Variants in CSMD2 observed in about 807,000 individuals in gnomAD.
CSMD2 encodes CUB and Sushi multiple domains 2, also known as CUB and sushi domain-containing protein 2.
CSMD2 carries 130 observed loss-of-function variants against 398.5 expected under a neutral mutation model. That is an observed-to-expected ratio of 0.33 (90% CI 0.28 to 0.38). The LOEUF is 0.38. Ranked by LOEUF, CSMD2 falls within the 10% of genes least tolerant of loss-of-function variation. CSMD2 has a pLI of 1.00. For missense variants in CSMD2, 3,829 were observed against 4,764.9 expected (o/e 0.80, Z 5.78); for synonymous variants, 1,828 against 1,908.5 (o/e 0.96, Z 1.10).
chr1:33,630,385 T>C (rs562518243), intron 32 of CSMD2, among the ~76,000 whole-genome samples: 20 of 152,308 alleles, frequency 1.3e-4, no homozygotes, highest in African/African-American at 4.6e-4. Context: ...ATAACAAAAT[T>C]GAGTAAGATT....
intron 15 of CSMD2, among the ~76,000 whole-genome samples, chr1:33,733,109 A>G (rs1033439740): frequency 6.6e-6 from 1 of 152,200 alleles, no homozygotes; most frequent in Non-Finnish European, 1.5e-5. Context: ...TGCTTCTGTA[A>G]CGGGATGTAG....
At chr1:34,122,131 C>T (rs901244894) in intron 1 of CSMD2, among the ~76,000 whole-genome samples, 13 of 151,890 alleles carry the variant, frequency 8.6e-5, no homozygotes, top group African/African-American at 2.2e-4. Flanking sequence ...TATCTGGCAA[C>T]GTCTGGAGAC....
intron 15 of CSMD2, 72 bp from the exon 16 acceptor site, chr1:33,726,757 T>A: frequency 6.8e-7 from 1 of 1,472,666 alleles, no homozygotes; most frequent in Non-Finnish European, 9.1e-7. Flanking sequence ...AATCTCTCTA[T>A]AAAATGTGTC....
Position 33,810,820 on chromosome 1 carries a change from T to G in CSMD2, c.1369A>C (p.Thr457Pro). Residue 457 changes from threonine to proline, a missense_variant, in exon 10 of 71, where the codon ACC becomes CCC. Thr to Pro is a conservative substitution (Grantham distance 38). This residue lies in a region of CSMD2 where 2,001 missense variants were observed against 2,567.1 expected (regional missense o/e 0.78). Coordinates refer to ENST00000373381, the MANE Select transcript of CSMD2 (RefSeq NM_001281956.2). ...TACTGAATGGGGAAATTGGGGGAGG[T>G]GATGATGCCCGAGGGGCCTCGAAGG... ...AHLRGPSGII[T>P]SPNFPIQYDN... The G allele has an allele frequency of 6.2e-7, 1 of 1,611,628 alleles. No individual in the cohort carries two copies. Among genetic ancestry groups the G allele is most frequent in the Non-Finnish European group, 8.5e-7 (1 of 1,179,142 alleles).
At chr1:33,541,390 C>G in intron 58 of CSMD2, 81 bp from the exon 59 acceptor site, 2 of 1,060,668 alleles carry the variant, frequency 1.9e-6, no homozygotes, top group Non-Finnish European at 2.9e-6. Context: ...TCACTCCCTG[C>G]ATGCATCCAA....
At chr1:33,681,443 G>A (rs1268402478) in intron 25 of CSMD2, among the ~76,000 whole-genome samples, 3 of 151,990 alleles carry the variant, frequency 2.0e-5, no homozygotes, top group African/African-American at 7.3e-5. Flanking sequence ...TCTTATGTAA[G>A]ACAGTAAATC....
chr1:33,991,136 G>T (rs1046398995), intron 3 of CSMD2, among the ~76,000 whole-genome samples: 7 of 151,794 alleles, frequency 4.6e-5, no homozygotes, highest in Non-Finnish European at 1.0e-4. Context: ...CTCCCAAGTA[G>T]CTAGGACTAC....
chr1:34,010,147 A>C (rs1647200405), intron 3 of CSMD2, among the ~76,000 whole-genome samples: 1 of 152,158 alleles, frequency 6.6e-6, no homozygotes, highest in Non-Finnish European at 1.5e-5. Flanking sequence ...CAGAGACTGA[A>C]TCACATGCAG....
rs186312551 is a variant in CSMD2 at position 33,922,289 on chromosome 1, T to C, written c.713-3988A>G. On this transcript the variant is annotated intron_variant, in intron 4 of 70. Transcript: ENST00000373381. ...TGTATGGAGCAGGCAGAAGCAAAGA[T>C]ACCTGAAAGAAGAGAAGGTGGGAAG... Among the ~76,000 whole-genome samples, 207 of 152,106 alleles carry C rather than the reference T, an allele frequency of 1.4e-3. 1 individual carries two copies. Among genetic ancestry groups the C allele is most frequent in the African/African-American group, 1.4e-3 (58 of 41,476 alleles).
At chr1:34,142,285 A>G (rs569357293) in intron 1 of CSMD2, among the ~76,000 whole-genome samples, 1 of 152,232 alleles carries the variant, frequency 6.6e-6, no homozygotes, top group South Asian at 2.1e-4. Context: ...GGGTACACTC[A>G]TCCAGAGATG....
intron 12 of CSMD2, among the ~76,000 whole-genome samples, chr1:33,784,235 TG>T (rs976487253): frequency 6.6e-6 from 1 of 152,036 alleles, no homozygotes; most frequent in Non-Finnish European, 1.5e-5. Context: ...TGGGGAGCCA[TG>T]GAGGAGCTGT....
chr1:34,028,076 T>C (rs1040811562), intron 3 of CSMD2, among the ~76,000 whole-genome samples: 2 of 152,304 alleles, frequency 1.3e-5, no homozygotes, highest in East Asian at 1.9e-4. Flanking sequence ...CCTAGCACTT[T>C]GGGAGGTCGA....
At chr1:33,907,141 C>T (rs530730161) in intron 5 of CSMD2, among the ~76,000 whole-genome samples, 26 of 121,514 alleles carry the variant, frequency 2.1e-4, no homozygotes, top group African/African-American at 7.1e-4. Flanking sequence ...TTTTTTGAGA[C>T]GGAGTCTGGC....
At chr1:34,098,746 G>A (rs1322467417) in intron 1 of CSMD2, among the ~76,000 whole-genome samples, 6 of 152,090 alleles carry the variant, frequency 3.9e-5, no homozygotes, top group East Asian at 1.9e-4. Flanking sequence ...TCCTCGAATC[G>A]CACCATATAC....
intron 1 of CSMD2, among the ~76,000 whole-genome samples, chr1:34,095,461 G>C (rs1659169684): frequency 6.6e-6 from 1 of 150,764 alleles, no homozygotes; most frequent in African/African-American, 2.4e-5. Context: ...AAAAATTAAT[G>C]AATCCAGGAG....
chr1:33,740,483 G>T lies in CSMD2; in HGVS notation c.2174-1149C>A, dbSNP rs570375876. ...AGAAACAGCAGTGGCCCTAGGGGCT[G>T]CTGGATCTTGCTAGAGGCAAGAGGC... is the stretch of plus-strand genomic sequence containing the variant. On this transcript the variant is annotated intron_variant, in intron 14 of 70. Coordinates refer to ENST00000373381, the MANE Select transcript of CSMD2 (RefSeq NM_001281956.2). Among the ~76,000 whole-genome samples, 17 of 152,320 alleles carry T rather than the reference G, an allele frequency of 1.1e-4. No homozygotes were observed. In the East Asian group the frequency reaches 3.1e-3, roughly 28 times the overall value.
intron 12 of CSMD2, among the ~76,000 whole-genome samples, chr1:33,786,524 T>C (rs1220984267): frequency 2.0e-5 from 3 of 152,250 alleles, no homozygotes; most frequent in Admixed American, 2.0e-4. Context: ...TTGAACTACC[T>C]GTGTACTGGC....
intron 1 of CSMD2, among the ~76,000 whole-genome samples, chr1:34,139,948 A>G (rs1302530863): frequency 6.6e-6 from 1 of 152,200 alleles, no homozygotes; most frequent in Non-Finnish European, 1.5e-5. Flanking sequence ...AGAGTTGTGC[A>G]TGTCATTTCC....
chr1:33,618,358 T>G (rs1367203548), intron 37 of CSMD2, among the ~76,000 whole-genome samples: 1 of 152,104 alleles, frequency 6.6e-6, no homozygotes, highest in African/African-American at 2.4e-5. Flanking sequence ...CAACTCGTGT[T>G]GCTTAAAATC....
Sources: allele counts gnomAD v4.1 joint callset (sites outside exome capture counted in the v4.1 genomes callset), GRCh38; gene constraint gnomAD v4.1.1; regional missense constraint gnomAD v4.1.1; transcripts MANE v1.5; gene names NCBI Gene and HGNC (gene_info 2026-07-23, HGNC 2026-07-21).